FKBP5: variants seen among roughly 807,000 people sequenced by gnomAD.
The protein encoded by FKBP5 is peptidyl-prolyl cis-trans isomerase FKBP5.
FKBP5 carries 23 observed loss-of-function variants against 50.5 expected under a neutral mutation model. That is an observed-to-expected ratio of 0.46 (90% confidence interval 0.33 to 0.65). FKBP5 has a LOEUF of 0.65. Ranked by LOEUF, FKBP5 falls within the 30% of genes least tolerant of loss-of-function variation. The probability of loss-of-function intolerance (pLI) is 0.02; values close to 1 mark genes in which losing one functional copy is unlikely to be tolerated. For missense variants in FKBP5, 411 were observed against 553.1 expected (o/e 0.74, Z 2.58); for synonymous variants, 176 against 190.6 (o/e 0.92, Z 0.63).
At position 35,575,060 on chromosome 6, in the gene FKBP5, A is replaced by C. The variant is rs1451903032; in HGVS notation, c.*775T>G. The C allele has an allele frequency of 6.6e-6, 1 of 152,252 alleles. No individual in the cohort carries two copies. The highest frequency in any genetic ancestry group is 1.5e-5 in the Non-Finnish European group (1 of 68,052). The allele number at this position is 152,252 out of a possible 1,614,324, so 9.4% of individuals were successfully genotyped here. ...TGCTCTTTTCACATTTCAGTATCTC[A>C]GAACTTCATCGAAAATAGGAAAAGC... On this transcript the variant is annotated 3_prime_UTR_variant, in exon 11 of 11. Coordinates refer to ENST00000357266, the MANE Select transcript of FKBP5 (RefSeq NM_004117.4).
intron 2 of FKBP5, 60 bp from the exon 3 acceptor site, chr6:35,637,218 A>G (rs1028478836): frequency 5.3e-6 from 8 of 1,508,506 alleles, no homozygotes; most frequent in Non-Finnish European, 4.5e-6. Context: ...ATCAGAGAAT[A>G]AAAAGGTCAC....
Position 35,620,293 on chromosome 6 carries a change from T to C in FKBP5, c.251-19A>G, listed in dbSNP as rs1763793009. On this transcript the variant is annotated intron_variant, in intron 3 of 10. Transcript: ENST00000357266. ...ACTTGGCCTAAGGGAAAGGAAAAGG[T>C]AGTTGAAAGCTATAAGCCCTATTTA... The C allele has an allele frequency of 1.2e-6, 2 of 1,612,558 alleles. No individual in the cohort carries two copies. Among genetic ancestry groups the C allele is most frequent in the South Asian group, 1.1e-5 (1 of 91,008 alleles).
chr6:35,684,837 G>A (rs1765778563), intron 1 of FKBP5, among the ~76,000 whole-genome samples: 1 of 151,988 alleles, frequency 6.6e-6, no homozygotes, highest in Non-Finnish European at 1.5e-5. Context: ...CACCAGCCTG[G>A]GCAACATAGT....
intron 3 of FKBP5, among the ~76,000 whole-genome samples, chr6:35,636,512 G>A (rs1764313461): frequency 6.6e-6 from 1 of 152,212 alleles, no homozygotes; most frequent in South Asian, 2.1e-4. Flanking sequence ...TACTTTGGGG[G>A]ACAGAAGTGC....
At chr6:35,645,190 G>A (rs1764597273) in intron 1 of FKBP5, among the ~76,000 whole-genome samples, 1 of 152,162 alleles carries the variant, frequency 6.6e-6, no homozygotes, top group Admixed American at 6.5e-5. Flanking sequence ...TGTTTAACCT[G>A]AAACTAACCA....
At chr6:35,665,540 C>T (rs1765192286) in intron 1 of FKBP5, among the ~76,000 whole-genome samples, 1 of 152,158 alleles carries the variant, frequency 6.6e-6, no homozygotes, top group Non-Finnish European at 1.5e-5. Context: ...CCGCCCGCCT[C>T]GGCCTCCCAA....
intron 5 of FKBP5, among the ~76,000 whole-genome samples, chr6:35,598,244 G>A (rs76787105): frequency 0.079 from 12,053 of 152,044 alleles, 999 homozygotes; most frequent in African/African-American, 0.22. Flanking sequence ...TTTTTGAGAC[G>A]CAGTCTTGCT....
intron 2 of FKBP5, among the ~76,000 whole-genome samples, chr6:35,704,501 G>T (rs1288997206): frequency 6.6e-6 from 1 of 152,194 alleles, no homozygotes; most frequent in South Asian, 2.1e-4. Flanking sequence ...GCTGGATTTA[G>T]CTCCTAAGAC....
At chr6:35,653,775 G>A (rs905374523) in intron 1 of FKBP5, among the ~76,000 whole-genome samples, 1 of 152,036 alleles carries the variant, frequency 6.6e-6, no homozygotes, top group African/African-American at 2.4e-5. Flanking sequence ...AAAGAATTAT[G>A]GGCTGACAGG....
At position 35,583,883 on chromosome 6, in the gene FKBP5, A is replaced by G. The variant is rs79447280; in HGVS notation, c.840+3151T>C. 1.9e-4 allele frequency: 186 copies of G among 985,404 alleles called. 3 individuals carry two copies. The East Asian group carries it at 0.011, about 58-fold the overall frequency. 61.0% of individuals were successfully genotyped at this position (985,404 alleles called of 1,614,324 possible). On this transcript the variant is annotated intron_variant, in intron 8 of 10. Coordinates refer to ENST00000357266, the MANE Select transcript of FKBP5 (RefSeq NM_004117.4). ...TAAATCACATTACTGGTATCTTGGA[A>G]CAGCAAGGGTGGTGAAAATATAGCA...
intron 1 of FKBP5, among the ~76,000 whole-genome samples, chr6:35,679,458 T>TA (rs1333043216): frequency 2.0e-5 from 3 of 152,380 alleles, no homozygotes; most frequent in Admixed American, 6.5e-5. Context: ...TGGAAGAAGT[T>TA]AGTCCTTTTA....
chr6:35,725,206 G>A (rs1226726772), intron 1 of FKBP5, among the ~76,000 whole-genome samples: 1 of 152,168 alleles, frequency 6.6e-6, no homozygotes, highest in African/African-American at 2.4e-5. Context: ...TTAGGAATGT[G>A]TGACTCCTGG....
intron 1 of FKBP5, among the ~76,000 whole-genome samples, chr6:35,672,833 G>A (rs995060431): frequency 7.2e-5 from 11 of 151,946 alleles, no homozygotes; most frequent in African/African-American, 2.7e-4. Flanking sequence ...GGGGGGCTGA[G>A]GCAGGAGAAT....
intron 1 of FKBP5, among the ~76,000 whole-genome samples, chr6:35,673,142 T>C (rs184074588): frequency 1.3e-5 from 2 of 152,326 alleles, no homozygotes; most frequent in East Asian, 3.9e-4. Context: ...GGCCAGACGC[T>C]AAGCTTAGGG....
intron 3 of FKBP5, among the ~76,000 whole-genome samples, chr6:35,633,975 CTT>C (rs1448664579): frequency 6.6e-6 from 1 of 152,096 alleles, no homozygotes; most frequent in Admixed American, 6.6e-5. Flanking sequence ...AAAGTTGCCT[CTT>C]TTTTTCTCCC....
intron 5 of FKBP5, among the ~76,000 whole-genome samples, chr6:35,608,788 CTGT>C (rs1763407323): frequency 6.6e-6 from 1 of 152,262 alleles, no homozygotes; most frequent in South Asian, 2.1e-4. Flanking sequence ...AGAATCCAGA[CTGT>C]TATTATTGTT....
intron 1 of FKBP5, among the ~76,000 whole-genome samples, chr6:35,654,403 T>C (rs1286965312): frequency 6.6e-6 from 1 of 152,200 alleles, no homozygotes; most frequent in East Asian, 1.9e-4. Context: ...TAATTAAAAC[T>C]CAAACCATCA....
Position 35,700,501 on chromosome 6 carries a change from C to A in FKBP5, c.-20+19827G>T, listed in dbSNP as rs556614374. Among the ~76,000 whole-genome samples the A allele has an allele frequency of 1.6e-3, 249 of 152,284 alleles. 1 individual carries two copies. The South Asian group carries it at 0.023, about 14-fold the overall frequency. On this transcript the variant is annotated intron_variant, in intron 2 of 11. Transcript: ENST00000536438. ...TCACAAGAGTGATTTGTCAGGGTAT[C>A]CACCTTGGTAGGCCCCGAACTCCAA...
chr6:35,665,758 C>A (rs1297443816), intron 1 of FKBP5, among the ~76,000 whole-genome samples: 1 of 152,174 alleles, frequency 6.6e-6, no homozygotes, highest in Non-Finnish European at 1.5e-5. Context: ...TATGGACAGT[C>A]CCCAACTTAT....
Sources: gnomAD v4.1 joint callset for allele counts (sites outside exome capture counted in the v4.1 genomes callset) on GRCh38, gnomAD v4.1.1 for gene constraint, MANE v1.5 for transcripts, NCBI Gene and HGNC (gene_info 2026-07-23, HGNC 2026-07-21) for gene names.